MED13L: variants seen among roughly 807,000 people sequenced by gnomAD.
MED13L encodes the protein mediator of RNA polymerase II transcription subunit 13-like.
In MED13L, 7 loss-of-function variants were observed where a neutral mutation model predicts 220.9. The ratio of observed to expected loss-of-function variants is 0.03; its 90% CI spans 0.02 to 0.06. The LOEUF is 0.06. MED13L is among the 10% of genes least tolerant of loss of function. The pLI, the probability that MED13L is intolerant of heterozygous loss-of-function variation, is 1.00. For missense variants in MED13L, 1,965 were observed against 2,760.5 expected, an observed-to-expected ratio of 0.71 and a Z score of 6.46; for synonymous variants, 1,011 against 1,015.2, an observed-to-expected ratio of 1.00 and a Z score of 0.08.
chr12:116,240,403 T>C (rs906535072), intron 1 of MED13L, among the ~76,000 whole-genome samples: 1 of 151,660 alleles, frequency 6.6e-6, no homozygotes, highest in African/African-American at 2.4e-5. Flanking sequence ...CTGGCCAAGT[T>C]CCTTTGTTTC....
In MED13L at chr12:115,982,467, A is replaced by G; in HGVS notation, c.5092T>C (p.Phe1698Leu). 8.1e-6 allele frequency: 13 copies of G among 1,614,162 alleles called. No individual in the cohort carries two copies. Among genetic ancestry groups the G allele is most frequent in the South Asian group, 2.2e-5 (2 of 91,082 alleles). Residue 1698 changes from phenylalanine to leucine, a missense_variant, in exon 22 of 31, where the codon TTT becomes CTT. Coordinates refer to ENST00000281928, the MANE Select transcript of MED13L (RefSeq NM_015335.5). Reference sequence around the variant, plus strand: ...CAGCGCATCAAGCTCAACAGCCAAAAGTTCCCAGAAGTGGAGTCCTCCTCT... The same window carrying G: ...CAGCGCATCAAGCTCAACAGCCAAAGGTTCCCAGAAGTGGAGTCCTCCTCT... ...AAEEDSTSGN[F>L]WLLSLMRCYT...
In MED13L at chr12:116,233,466, A is replaced by C. The variant is rs935774249; in HGVS notation, c.310+4002T>G. ...CTCAAAATCTATCAAATTAAGTCTAAATGTCTTATCCTTGGTTCTGTGTAC... is the reference window on the plus strand; with the variant it reads ...CTCAAAATCTATCAAATTAAGTCTACATGTCTTATCCTTGGTTCTGTGTAC... On this transcript the variant is annotated intron_variant, in intron 2 of 30. Transcript: ENST00000281928. Among the ~76,000 whole-genome samples, 4 of 152,196 alleles carry C rather than the reference A, an allele frequency of 2.6e-5. No individual in the cohort carries two copies. In the South Asian group the frequency reaches 8.3e-4, roughly 32 times the overall value.
At chr12:116,165,075 G>GT (rs1879150460) in intron 2 of MED13L, among the ~76,000 whole-genome samples, 1 of 152,118 alleles carries the variant, frequency 6.6e-6, no homozygotes, top group Non-Finnish European at 1.5e-5. Context: ...TTATGAGTCA[G>GT]TATTAATCAT....
chr12:115,970,529 T>A, intron 27 of MED13L, 65 bp downstream of exon 27: 1 of 1,540,682 alleles, frequency 6.5e-7, no homozygotes, highest in Non-Finnish European at 9.0e-7. Flanking sequence ...GGCAGCCCAG[T>A]GATTCCATAC....
rs751700581 is a variant in MED13L at position 116,009,183 on chromosome 12, C to A, written c.1281-51G>T. 30 of 1,605,554 alleles carry A rather than the reference C, an allele frequency of 1.9e-5. No individual in the cohort carries two copies. In the South Asian group the frequency reaches 2.6e-4, roughly 14 times the overall value. On this transcript the variant is annotated intron_variant, in intron 9 of 30. Coordinates refer to ENST00000281928, the MANE Select transcript of MED13L (RefSeq NM_015335.5). ...CATTATAACATTAAGAAAAGAGATT[C>A]TCTGACAAAATTTTGCCTTTTAAAG...
At chr12:116,258,138 C>T (rs1038150899) in intron 1 of MED13L, among the ~76,000 whole-genome samples, 3 of 152,180 alleles carry the variant, frequency 2.0e-5, no homozygotes, top group Non-Finnish European at 4.4e-5. Flanking sequence ...AGGAGCTTCA[C>T]TGAAGTCCTA....
At chr12:116,079,757 G>A (rs947084611) in intron 4 of MED13L, among the ~76,000 whole-genome samples, 1 of 152,026 alleles carries the variant, frequency 6.6e-6, no homozygotes, top group Non-Finnish European at 1.5e-5. Flanking sequence ...GGCTGGTCTC[G>A]AATTCCTGGG....
At chr12:116,266,003 A>G (rs762008843) in intron 1 of MED13L, among the ~76,000 whole-genome samples, 3 of 152,226 alleles carry the variant, frequency 2.0e-5, no homozygotes, top group Admixed American at 2.0e-4. Flanking sequence ...TGCAGAAATT[A>G]AATAGTGCAT....
At chr12:116,125,847 A>G (rs1005459693) in intron 2 of MED13L, among the ~76,000 whole-genome samples, 2 of 152,216 alleles carry the variant, frequency 1.3e-5, no homozygotes, top group African/African-American at 4.8e-5. Context: ...ATTCTTAGTA[A>G]TCAGAACATT....
At chr12:116,031,745 GAAAAGAAAAGAAAA>G (rs1566020806) in intron 4 of MED13L, among the ~76,000 whole-genome samples, 1,293 of 47,344 alleles carry the variant, frequency 0.027, 50 homozygotes, top group African/African-American at 0.062. Context: ...GAAAAGAAAA[GAAAAGAAAAGAAAA>G]GAAGGAAGGA....
At chr12:116,128,286 C>T (rs964891772) in intron 2 of MED13L, among the ~76,000 whole-genome samples, 1 of 151,962 alleles carries the variant, frequency 6.6e-6, no homozygotes. Context: ...GAGCAAAATG[C>T]AACCTAATAT....
chr12:116,136,028 G>A (rs550019593), intron 2 of MED13L, among the ~76,000 whole-genome samples: 186 of 151,262 alleles, frequency 1.2e-3, no homozygotes, highest in African/African-American at 4.1e-3. Context: ...TCAGCCTCCC[G>A]AGTAGCTGGG....
At chr12:116,145,500 TTTC>T (rs926367357) in intron 2 of MED13L, among the ~76,000 whole-genome samples, 8 of 152,074 alleles carry the variant, frequency 5.3e-5, no homozygotes, top group African/African-American at 1.9e-4. Context: ...AGCGCTTTTT[TTTC>T]TTTTCTCTTT....
chr12:116,148,447 A>T, intron 2 of MED13L: 1 of 220,540 alleles, frequency 4.5e-6, no homozygotes, highest in Non-Finnish European at 1.1e-5. Context: ...GAAAAAGAGA[A>T]AAATTAAGTT....
chr12:116,202,777 C>A (rs975672629), intron 2 of MED13L, among the ~76,000 whole-genome samples: 4 of 152,128 alleles, frequency 2.6e-5, no homozygotes, highest in Admixed American at 6.5e-5. Context: ...TCAGCGTCTC[C>A]CCACAGATTC....
chr12:116,118,680 T>C (rs1257627570), intron 2 of MED13L, among the ~76,000 whole-genome samples: 1 of 152,128 alleles, frequency 6.6e-6, no homozygotes, highest in East Asian at 1.9e-4. Context: ...TTTCAATAAA[T>C]CCCTAAAATT....
chr12:116,089,952 G>A (rs1210406721), intron 4 of MED13L, among the ~76,000 whole-genome samples: 1 of 152,146 alleles, frequency 6.6e-6, no homozygotes, highest in African/African-American at 2.4e-5. Context: ...CTTTTTAAAT[G>A]TAGTCAACTT....
At chr12:116,033,261 T>C (rs1201968570) in intron 4 of MED13L, among the ~76,000 whole-genome samples, 3 of 152,222 alleles carry the variant, frequency 2.0e-5, no homozygotes, top group African/African-American at 7.2e-5. Flanking sequence ...AGAATATTTC[T>C]GACTAATAAA....
chr12:116,152,762 A>G (rs572956284), intron 2 of MED13L, among the ~76,000 whole-genome samples: 2 of 152,278 alleles, frequency 1.3e-5, no homozygotes, highest in African/African-American at 4.8e-5. Context: ...AATGCATGCT[A>G]AAATACGATA....
Sources: allele counts gnomAD v4.1 joint callset (sites outside exome capture counted in the v4.1 genomes callset), GRCh38; gene constraint gnomAD v4.1.1; transcripts MANE v1.5; gene names NCBI Gene and HGNC (gene_info 2026-07-23, HGNC 2026-07-21).